Variants in TTLL7 observed in about 807,000 individuals in gnomAD.
TTLL7 encodes the protein tubulin tyrosine ligase like 7, also known as tubulin polyglutamylase TTLL7.
In TTLL7, 53 loss-of-function variants were observed where a neutral mutation model predicts 120.2. The observed-to-expected ratio is 0.44, with a 90% CI of 0.35 to 0.55. The LOEUF (loss-of-function observed/expected upper bound fraction) is 0.55, where lower values mean the gene tolerates loss of function less well. TTLL7 is among the 20% of genes least tolerant of loss of function. The probability of loss-of-function intolerance (pLI) is 0.00; values close to 1 mark genes in which losing one functional copy is unlikely to be tolerated. For missense variants in TTLL7, 803 were observed against 1,054.7 expected, an observed-to-expected ratio of 0.76 and a Z score of 3.31; for synonymous variants, 353 against 351.7, an observed-to-expected ratio of 1.00 and a Z score of -0.04.
chr1:83,951,184 CTAAAAA>C (rs1309197601), intron 3 of TTLL7, among the ~76,000 whole-genome samples: 7 of 152,074 alleles, frequency 4.6e-5, no homozygotes, highest in Admixed American at 3.3e-4. Flanking sequence ...CCCGTCCCTA[CTAAAAA>C]TACAAAAAAT....
chr1:83,994,120 C>G (rs370714017), intron 1 of TTLL7, among the ~76,000 whole-genome samples: 11 of 152,218 alleles, frequency 7.2e-5, no homozygotes, highest in East Asian at 3.8e-4. Flanking sequence ...TAATGTCCAG[C>G]TTCTATCAGA....
chr1:83,874,717 T>G (rs946880609), intron 20 of TTLL7, among the ~76,000 whole-genome samples: 2 of 152,094 alleles, frequency 1.3e-5, no homozygotes, highest in South Asian at 2.1e-4. Flanking sequence ...TTCAATTTTT[T>G]GGGGGGAAAA....
chr1:83,964,160 T>G (rs1303863536), intron 1 of TTLL7, among the ~76,000 whole-genome samples: 2 of 152,122 alleles, frequency 1.3e-5, no homozygotes, highest in African/African-American at 4.8e-5. Flanking sequence ...TTTTAATAAC[T>G]TTAGCTCACT....
At position 83,999,034 on chromosome 1, in the gene TTLL7, G is replaced by C. The variant is rs1440718014; in HGVS notation, c.-280C>G. The C allele has an allele frequency of 1.3e-5, 6 of 447,670 alleles. No individual in the cohort carries two copies. Among genetic ancestry groups the C allele is most frequent in the African/African-American group, 8.2e-5 (4 of 48,982 alleles). The allele number at this position is 447,670 out of a possible 1,614,324, so 27.7% of individuals were successfully genotyped here. A position where few individuals can be genotyped will look rare whatever the true frequency, so the allele number is the denominator to read the frequency against. On this transcript the variant is annotated 5_prime_UTR_variant, in exon 1 of 21. Transcript: ENST00000260505. The stretch of plus-strand genomic sequence containing the variant: ...TCCCCGTGGGCGGCCGCCCCGACTC[G>C]GCAGCCTGCACTGGTGGTCCGGTGC...
At chr1:83,892,556 G>A (rs1380362448) in intron 18 of TTLL7, among the ~76,000 whole-genome samples, 4 of 47,384 alleles carry the variant, frequency 8.4e-5, no homozygotes, top group Non-Finnish European at 1.2e-4. Context: ...ACATATATAT[G>A]AACATATGAA....
At chr1:83,893,103 T>C (rs1465699110) in intron 18 of TTLL7, among the ~76,000 whole-genome samples, 2 of 151,730 alleles carry the variant, frequency 1.3e-5, no homozygotes, top group Non-Finnish European at 2.9e-5. Context: ...CATTTGGTTA[T>C]ATACGTTATT....
intron 17 of TTLL7, among the ~76,000 whole-genome samples, chr1:83,905,085 A>G (rs201877500): frequency 6.6e-6 from 1 of 151,992 alleles, no homozygotes; most frequent in Non-Finnish European, 1.5e-5. Flanking sequence ...AATATCTCTA[A>G]GAAATATATA....
chr1:83,975,442 G>A (rs1189025531), intron 1 of TTLL7, among the ~76,000 whole-genome samples: 1 of 152,032 alleles, frequency 6.6e-6, no homozygotes, highest in African/African-American at 2.4e-5. Context: ...AGACTCAAAG[G>A]GGTTTAGGAA....
chr1:83,910,761 A>G (rs1657611387), intron 15 of TTLL7, among the ~76,000 whole-genome samples: 1 of 152,102 alleles, frequency 6.6e-6, no homozygotes, highest in South Asian at 2.1e-4. Context: ...GGATATACAT[A>G]CTTTTTGAAA....
chr1:83,921,429 T>G, intron 10 of TTLL7, 35 bp from the exon 11 acceptor site: 7 of 1,604,570 alleles, frequency 4.4e-6, no homozygotes, highest in Non-Finnish European at 5.9e-6. Context: ...ATTCTAGAAC[T>G]CGAACAAGTT....
intron 1 of TTLL7, among the ~76,000 whole-genome samples, chr1:83,967,489 C>G (rs748629758): frequency 5.9e-5 from 9 of 152,072 alleles, no homozygotes; most frequent in Non-Finnish European, 1.2e-4. Flanking sequence ...AGGGCTGAAC[C>G]TGCAGAAGGA....
intron 19 of TTLL7, among the ~76,000 whole-genome samples, chr1:83,885,857 T>C (rs188560764): frequency 1.2e-4 from 18 of 152,150 alleles, no homozygotes; most frequent in Non-Finnish European, 2.2e-4. Flanking sequence ...GAGGTAAAAA[T>C]AGTTAAAATA....
At chr1:83,915,277 C>G (rs1305703358) in intron 14 of TTLL7, among the ~76,000 whole-genome samples, 8 of 152,148 alleles carry the variant, frequency 5.3e-5, no homozygotes, top group South Asian at 2.1e-4. Context: ...CAGCATGGTA[C>G]TGGTACCAAA....
intron 5 of TTLL7, among the ~76,000 whole-genome samples, chr1:83,948,138 C>T (rs1268133627): frequency 6.6e-6 from 1 of 151,070 alleles, no homozygotes; most frequent in South Asian, 2.1e-4. Flanking sequence ...TAGTACAATC[C>T]CTGGCACATA....
intron 9 of TTLL7, 139 bp downstream of exon 9, chr1:83,933,469 C>T (rs55996508): frequency 1.3e-5 from 11 of 855,544 alleles, no homozygotes; most frequent in Non-Finnish European, 1.8e-5. Flanking sequence ...AATTTTTATC[C>T]TCTTCTTCCC....
chr1:83,916,513 A>C (rs1658201446), intron 14 of TTLL7, among the ~76,000 whole-genome samples: 1 of 130,804 alleles, frequency 7.6e-6, no homozygotes, highest in Non-Finnish European at 1.6e-5. Flanking sequence ...GGGGGGAGGG[A>C]TAGCATTAGG....
intron 20 of TTLL7, among the ~76,000 whole-genome samples, chr1:83,879,723 T>C (rs985797828): frequency 4.6e-5 from 7 of 151,998 alleles, no homozygotes; most frequent in African/African-American, 1.7e-4. Flanking sequence ...GTTCTGAGCT[T>C]GGGCAGGAAT....
chr1:83,974,538 T>C (rs1651285721), intron 1 of TTLL7, among the ~76,000 whole-genome samples: 1 of 151,988 alleles, frequency 6.6e-6, no homozygotes, highest in Admixed American at 6.6e-5. Flanking sequence ...CTTAATACAA[T>C]GAAAAATATG....
chr1:83,880,970 G>C (rs578079102), intron 20 of TTLL7, among the ~76,000 whole-genome samples: 1 of 152,250 alleles, frequency 6.6e-6, no homozygotes, highest in East Asian at 1.9e-4. Context: ...TGAGAAACCT[G>C]AGAAAAATAA....
Sources: allele counts gnomAD v4.1 joint callset (sites outside exome capture counted in the v4.1 genomes callset), GRCh38; gene constraint gnomAD v4.1.1; transcripts MANE v1.5; gene names NCBI Gene and HGNC (gene_info 2026-07-23, HGNC 2026-07-21).